The following MEX3B variants were observed in gnomAD, a reference collection of about 807,000 sequenced individuals.
The protein encoded by MEX3B is mex-3 RNA binding family member B, also known as RNA-binding protein MEX3B.
MEX3B carries 10 observed loss-of-function variants against 12.2 expected under a neutral mutation model. The observed-to-expected ratio is 0.82, with a 90% CI of 0.51 to 1.40. The LOEUF (loss-of-function observed/expected upper bound fraction) is 1.40, where lower values mean the gene tolerates loss of function less well. Among genes scored for constraint, MEX3B ranks in the 40% most tolerant of loss-of-function variants. The probability of loss-of-function intolerance (pLI) is 0.00; values close to 1 mark genes in which losing one functional copy is unlikely to be tolerated. For synonymous variants in MEX3B, 498 were observed against 356.3 expected, an observed-to-expected ratio of 1.40 and a Z score of -4.48; for missense variants, 839 against 801.4, an observed-to-expected ratio of 1.05 and a Z score of -0.57.
Position 82,044,309 on chromosome 15 carries a change from C to T in MEX3B, c.561G>A (p.Gln187=), listed in dbSNP as rs562165977. Residue 187 remains glutamine (Q), a synonymous_variant, in exon 2 of 2, where the codon CAG becomes CAA. Coordinates refer to ENST00000329713, the MANE Select transcript of MEX3B (RefSeq NM_032246.6). The surrounding 1 kb of genome is among the most constrained non-coding windows in gnomAD (Gnocchi z 5.3). The stretch of plus-strand genomic sequence containing the variant: ...TCACGATGTACGTGTGCGTCTGCTG[C>T]TGGATGCGCTTGATTGTGGCGCCTT... ...GPKGATIKRI[Q]QQTHTYIVTP... is the part of the protein sequence containing the mutation. 2 of 1,613,268 alleles carry T rather than the reference C, an allele frequency of 1.2e-6. No individual in the cohort carries two copies. Among genetic ancestry groups the T allele is most frequent in the Non-Finnish European group, 1.7e-6 (2 of 1,180,008 alleles).
At position 82,043,806 on chromosome 15, in the gene MEX3B, C is replaced by T. The variant is rs768913851; in HGVS notation, c.1064G>A (p.Gly355Asp). 71 of 1,586,222 alleles carry T rather than the reference C, an allele frequency of 4.5e-5. No individual in the cohort carries two copies. Among genetic ancestry groups the T allele is most frequent in the Admixed American group, 1.1e-4 (6 of 56,190 alleles). Residue 355 changes from glycine (G) to aspartate (D), a missense_variant, in exon 2 of 2, where the codon GGC becomes GAC. Around this residue, in one of 3 missense-constraint regions of MEX3B, gnomAD observed 573 missense variants for 488.9 expected, o/e 1.17. Coordinates refer to ENST00000329713, the MANE Select transcript of MEX3B (RefSeq NM_032246.6). Reference sequence around the variant, plus strand: ...AAAAGTGGGCTGCAGCTCGGGGCAGCCGTCGGGGGATGGCACTGAGGCTTC... The same window carrying T: ...AAAAGTGGGCTGCAGCTCGGGGCAGTCGTCGGGGGATGGCACTGAGGCTTC... The part of the protein sequence containing the change: ...GGEASVPSPD[G>D]CPELQPTFDP...
Position 82,044,138 on chromosome 15 carries a change from G to A in MEX3B, c.732C>T (p.Asn244=), listed in dbSNP as rs749139125. ...GCAGATCGAAGCCCACATCGGTGCCGTTGGCGTGGAAGTCGTTCTCGTCTG... is the reference window on the plus strand; with the variant it reads ...GCAGATCGAAGCCCACATCGGTGCCATTGGCGTGGAAGTCGTTCTCGTCTG... ...ELTDENDFHA[N]GTDVGFDLHH... is the part of the protein sequence containing the mutation. Residue 244 remains asparagine, a synonymous_variant, in exon 2 of 2, where the codon AAC becomes AAT. Coordinates refer to ENST00000329713, the MANE Select transcript of MEX3B (RefSeq NM_032246.6). This position sits in a 1 kb window ranked among gnomAD's most constrained non-coding sequence, Gnocchi z 5.3. The A allele has an allele frequency of 2.4e-5, 38 of 1,613,628 alleles. No homozygotes were observed. In the African/African-American group the frequency reaches 3.2e-4, roughly 14 times the overall value.
Position 82,042,889 on chromosome 15 carries a change from T to C in MEX3B, c.*271A>G, listed in dbSNP as rs2073228549. ...AGAATGTCGCCGTTCCTATTATTTATAGAGCATGCATTTCAGGTGTTCAGG... is the reference window on the plus strand; with the variant it reads ...AGAATGTCGCCGTTCCTATTATTTACAGAGCATGCATTTCAGGTGTTCAGG... On this transcript the variant is annotated 3_prime_UTR_variant, in exon 2 of 2. Transcript: ENST00000329713. 6.1e-6 allele frequency: 2 copies of C among 328,246 alleles called. No individual in the cohort carries two copies. The highest frequency in any genetic ancestry group is 1.1e-5 in the Non-Finnish European group (2 of 181,686). 20.3% of individuals were successfully genotyped at this position (328,246 alleles called of 1,614,324 possible).
At position 82,044,041 on chromosome 15, in the gene MEX3B, C is replaced by A; in HGVS notation, c.829G>T (p.Gly277Cys). The A allele has an allele frequency of 1.6e-6, 2 of 1,228,992 alleles. No individual in the cohort carries two copies. The highest frequency in any genetic ancestry group is 2.4e-5 in the South Asian group (2 of 83,074). 76.1% of individuals were successfully genotyped at this position (1,228,992 alleles called of 1,614,324 possible). Reference sequence around the variant, plus strand: ...CGGTAGCTAGAGAAAGGCTTGCGGCCGGGGGTGGGCGTGATGCTGGGGGTG... The same window carrying A: ...CGGTAGCTAGAGAAAGGCTTGCGGCAGGGGGTGGGCGTGATGCTGGGGGTG... ...KPTPSITPTP[G>C]RKPFSSYRND... The change falls in exon 2 of 2, where the codon GGC becomes TGC. Residue 277 changes from glycine (G) to cysteine (C), a missense_variant. Coordinates refer to ENST00000329713, the MANE Select transcript of MEX3B (RefSeq NM_032246.6). The surrounding 1 kb of genome is among the most constrained non-coding windows in gnomAD (Gnocchi z 5.3).
Position 82,044,286 on chromosome 15 carries a change from A to C in MEX3B, c.584T>G (p.Val195Gly). 6.2e-7 allele frequency: 1 copy of C among 1,613,758 alleles called. No individual in the cohort carries two copies. Among genetic ancestry groups the C allele is most frequent in the Non-Finnish European group, 8.5e-7 (1 of 1,180,014 alleles). Residue 195 changes from valine (V) to glycine (G), a missense_variant, in exon 2 of 2, where the codon GTG (valine) becomes GGG (glycine). Physicochemically the swap from Val to Gly is moderately radical, Grantham distance 109 (BLOSUM62 -3). This residue lies in a region of MEX3B where 52 missense variants were observed against 88.7 expected (regional missense o/e 0.59). Transcript: ENST00000329713. This position sits in a 1 kb window ranked among gnomAD's most constrained non-coding sequence, Gnocchi z 5.3. The stretch of plus-strand genomic sequence containing the variant: ...CGGCTCCTTATCCCGGCTGGGCGTC[A>C]CGATGTACGTGTGCGTCTGCTGCTG... ...RIQQQTHTYI[V>G]TPSRDKEPVF...
chr15:82,043,657 A>C lies in MEX3B; in HGVS notation c.1213T>G (p.Ser405Ala), dbSNP rs757158976. The C allele has an allele frequency of 1.9e-5, 30 of 1,611,014 alleles. No individual in the cohort carries two copies. Among genetic ancestry groups the C allele is most frequent in the East Asian group, 1.3e-4 (6 of 44,852 alleles). Residue 405 changes from serine (S) to alanine (A), a missense_variant, in exon 2 of 2, where the codon TCT becomes GCT. By Grantham distance (99) the Ser-to-Ala change is moderately conservative (BLOSUM62 1). Around this residue, in one of 3 missense-constraint regions of MEX3B, gnomAD observed 573 missense variants for 488.9 expected, o/e 1.17. Transcript: ENST00000329713. ...SCSSSASSSA[S>A]SSSVVFPGGG... ...CCGGGGAAGACCACGGAGGAGGAAG[A>C]AGCAGACGAAGATGCAGAAGAAGAG...
Position 82,043,704 on chromosome 15 carries a change from G to A in MEX3B, c.1166C>T (p.Ala389Val). ...AGAGCAGGAAGAAGATACCGGAGCT[G>A]CAGGTCCGCCTCCCGGGGACCGCTC... ...QFERSPGGGP[A>V]APVSSSCSSS... Residue 389 changes from alanine to valine, a missense_variant, in exon 2 of 2, where the codon GCA becomes GTA. This residue lies in a region of MEX3B where 573 missense variants were observed against 488.9 expected (regional missense o/e 1.17). Transcript: ENST00000329713. 2 of 1,597,524 alleles carry A rather than the reference G, an allele frequency of 1.3e-6. No homozygotes were observed. Among genetic ancestry groups the A allele is most frequent in the East Asian group, 2.2e-5 (1 of 44,828 alleles).
Position 82,044,702 on chromosome 15 carries a change from G to A in MEX3B, c.257-89C>T, listed in dbSNP as rs927230666. ...TAACCGCGGGGACCGGGGACAGCCC[G>A]CGTCCAGGACAGCGAGACGGCAGGA... On this transcript the variant is annotated intron_variant, in intron 1 of 1. Coordinates refer to ENST00000329713, the MANE Select transcript of MEX3B (RefSeq NM_032246.6). This position sits in a 1 kb window ranked among gnomAD's most constrained non-coding sequence, Gnocchi z 5.3. The A allele has an allele frequency of 9.1e-6, 12 of 1,320,616 alleles. No homozygotes were observed. Among genetic ancestry groups the A allele is most frequent in the Admixed American group, 1.8e-5 (1 of 56,506 alleles). 81.8% of individuals were successfully genotyped at this position (1,320,616 alleles called of 1,614,324 possible). A position where few individuals can be genotyped will look rare whatever the true frequency, so the allele number is the denominator to read the frequency against.
In MEX3B at chr15:82,044,171, AATG is replaced by A; in HGVS notation, c.696_698del (p.Ile233del). ...GGAAGTCGTTCTCGTCTGTGAGCTC[AATG>A]ATGCCGCCGGTACGCAGAGCAATGT... On this transcript the variant is annotated inframe_deletion, in exon 2 of 2. Coordinates refer to ENST00000329713, the MANE Select transcript of MEX3B (RefSeq NM_032246.6). This position sits in a 1 kb window ranked among gnomAD's most constrained non-coding sequence, Gnocchi z 5.3. The A allele has an allele frequency of 1.2e-6, 2 of 1,613,986 alleles. No individual in the cohort carries two copies. The highest frequency in any genetic ancestry group is 4.5e-5 in the East Asian group (2 of 44,868).
At position 82,044,697 on chromosome 15, in the gene MEX3B, A is replaced by G. The variant is rs1227220573; in HGVS notation, c.257-84T>C. On this transcript the variant is annotated intron_variant, in intron 1 of 1. Transcript: ENST00000329713. The surrounding 1 kb of genome is among the most constrained non-coding windows in gnomAD (Gnocchi z 5.3). ...TGGGGTAACCGCGGGGACCGGGGAC[A>G]GCCCGCGTCCAGGACAGCGAGACGG... is the stretch of plus-strand genomic sequence containing the variant. 2 of 1,376,366 alleles carry G rather than the reference A, an allele frequency of 1.5e-6. No individual in the cohort carries two copies. The highest frequency in any genetic ancestry group is 1.7e-5 in the Admixed American group (1 of 57,324). The allele number at this position is 1,376,366 out of a possible 1,614,324, so 85.3% of individuals were successfully genotyped here.
rs1343778218 is a variant in MEX3B, at chr15:82,044,317, G to A, written c.553C>T (p.Arg185Cys). ...TACGTGTGCGTCTGCTGCTGGATGC[G>A]CTTGATTGTGGCGCCTTTGGGCCCC... ...VVGPKGATIKRIQQQTHTYIV... is the reference protein window; with the variant it reads ...VVGPKGATIKCIQQQTHTYIV... Residue 185 changes from arginine (R) to cysteine (C), a missense_variant, in exon 2 of 2, where the codon CGC becomes TGC. Around this residue, in one of 3 missense-constraint regions of MEX3B, gnomAD observed 52 missense variants for 88.7 expected, o/e 0.59. Coordinates refer to ENST00000329713, the MANE Select transcript of MEX3B (RefSeq NM_032246.6). The surrounding 1 kb of genome is among the most constrained non-coding windows in gnomAD (Gnocchi z 5.3). The A allele has an allele frequency of 3.1e-6, 5 of 1,612,952 alleles. No homozygotes were observed. The highest frequency in any genetic ancestry group is 3.4e-6 in the Non-Finnish European group (4 of 1,180,012).
At position 82,043,649 on chromosome 15, in the gene MEX3B, G is replaced by A; in HGVS notation, c.1221C>T (p.Ser407=). Residue 407 remains serine (S), a synonymous_variant, in exon 2 of 2, where the codon TCC becomes TCT. Transcript: ENST00000329713. ...SSSASSSASS[S]SVVFPGGGAS... is the part of the protein sequence containing the mutation. ...CGCCACCCCCGGGGAAGACCACGGA[G>A]GAGGAAGAAGCAGACGAAGATGCAG... The A allele has an allele frequency of 1.2e-6, 2 of 1,610,552 alleles. No homozygotes were observed. Among genetic ancestry groups the A allele is most frequent in the Non-Finnish European group, 1.7e-6 (2 of 1,178,490 alleles).
chr15:82,044,287 C>A lies in MEX3B; in HGVS notation c.583G>T (p.Val195Leu), dbSNP rs2073242457. 1 of 1,613,630 alleles carries A rather than the reference C, an allele frequency of 6.2e-7. No individual in the cohort carries two copies. Among genetic ancestry groups the A allele is most frequent in the Non-Finnish European group, 8.5e-7 (1 of 1,180,026 alleles). ...GGCTCCTTATCCCGGCTGGGCGTCACGATGTACGTGTGCGTCTGCTGCTGG... is the reference window on the plus strand; with the variant it reads ...GGCTCCTTATCCCGGCTGGGCGTCAAGATGTACGTGTGCGTCTGCTGCTGG... ...RIQQQTHTYI[V>L]TPSRDKEPVF... Residue 195 changes from valine to leucine, a missense_variant, in exon 2 of 2, where the codon GTG becomes TTG. Around this residue, in one of 3 missense-constraint regions of MEX3B, gnomAD observed 52 missense variants for 88.7 expected, o/e 0.59. Coordinates refer to ENST00000329713, the MANE Select transcript of MEX3B (RefSeq NM_032246.6). This position sits in a 1 kb window ranked among gnomAD's most constrained non-coding sequence, Gnocchi z 5.3.
Position 82,044,752 on chromosome 15 carries a change from T to C in MEX3B, c.257-139A>G, listed in dbSNP as rs1385899148. 3 of 834,366 alleles carry C rather than the reference T, an allele frequency of 3.6e-6. No homozygotes were observed. Among genetic ancestry groups the C allele is most frequent in the Admixed American group, 2.2e-5 (1 of 45,386 alleles). 51.7% of individuals were successfully genotyped at this position (834,366 alleles called of 1,614,324 possible). ...ACAAGAGATGGGCGGAAAGGGGGCG[T>C]CTCCCTCACTGACCTCGGGCCGCGC... On this transcript the variant is annotated intron_variant, in intron 1 of 1. Transcript: ENST00000329713. The surrounding 1 kb of genome is among the most constrained non-coding windows in gnomAD (Gnocchi z 5.3).
chr15:82,042,562 T>C lies in MEX3B; in HGVS notation c.*598A>G, dbSNP rs2073226313. 6.6e-6 allele frequency: 1 copy of C among 152,652 alleles called. No individual in the cohort carries two copies. Among genetic ancestry groups the C allele is most frequent in the Non-Finnish European group, 1.5e-5 (1 of 68,048 alleles). 9.5% of individuals were successfully genotyped at this position (152,652 alleles called of 1,614,324 possible). A position where few individuals can be genotyped will look rare whatever the true frequency, so the allele number is the denominator to read the frequency against. ...CTTTAAAACTTTTAAACGTTTTTAA[T>C]ATATAAGAGATATGTTACAGTTTCT... On this transcript the variant is annotated 3_prime_UTR_variant, in exon 2 of 2. Coordinates refer to ENST00000329713, the MANE Select transcript of MEX3B (RefSeq NM_032246.6).
In MEX3B at chr15:82,043,592, T is replaced by C; in HGVS notation, c.1278A>G (p.Leu426=). Residue 426 remains leucine, a synonymous_variant, in exon 2 of 2, where the codon CTA becomes CTG. Coordinates refer to ENST00000329713, the MANE Select transcript of MEX3B (RefSeq NM_032246.6). ...ASAPSNANLG[L]LVHRRLHPGT... ...CAGGGTGCAGCCGGCGGTGCACCAA[T>C]AGCCCCAGGTTGGCGTTGGAGGGCG... 3 of 1,582,168 alleles carry C rather than the reference T, an allele frequency of 1.9e-6. No individual in the cohort carries two copies. Among genetic ancestry groups the C allele is most frequent in the East Asian group, 2.3e-5 (1 of 43,410 alleles).
In MEX3B at chr15:82,043,768, C is replaced by G; in HGVS notation, c.1102G>C (p.Ala368Pro). ...ATAAGTGGTGCCCCAGGTGGGGGAG[C>G]GGGAGCCGGGTCAAAAGTGGGCTGC... The part of the protein sequence containing the change: ...ELQPTFDPAP[A>P]PPPGAPLIWA... The change falls in exon 2 of 2, where the codon GCT becomes CCT. Residue 368 changes from alanine (A) to proline (P), a missense_variant. Physicochemically the swap from Ala to Pro is conservative, Grantham distance 27 (BLOSUM62 -1). Around this residue, in one of 3 missense-constraint regions of MEX3B, gnomAD observed 573 missense variants for 488.9 expected, o/e 1.17. Coordinates refer to ENST00000329713, the MANE Select transcript of MEX3B (RefSeq NM_032246.6). The G allele has an allele frequency of 1.9e-6, 3 of 1,567,572 alleles. No homozygotes were observed. Among genetic ancestry groups the G allele is most frequent in the Non-Finnish European group, 2.6e-6 (3 of 1,158,952 alleles).
Position 82,044,301 on chromosome 15 carries a change from G to A in MEX3B, c.569C>T (p.Thr190Met). 6.2e-7 allele frequency: 1 copy of A among 1,613,450 alleles called. No individual in the cohort carries two copies. Among genetic ancestry groups the A allele is most frequent in the Non-Finnish European group, 8.5e-7 (1 of 1,180,020 alleles). ...GCTGGGCGTCACGATGTACGTGTGC[G>A]TCTGCTGCTGGATGCGCTTGATTGT... is the stretch of plus-strand genomic sequence containing the variant. ...GATIKRIQQQ[T>M]HTYIVTPSRD... The change falls in exon 2 of 2, where the codon ACG (threonine) becomes ATG (methionine). Residue 190 changes from threonine (T) to methionine (M), a missense_variant. This residue lies in a region of MEX3B where 52 missense variants were observed against 88.7 expected (regional missense o/e 0.59). Coordinates refer to ENST00000329713, the MANE Select transcript of MEX3B (RefSeq NM_032246.6). The surrounding 1 kb of genome is among the most constrained non-coding windows in gnomAD (Gnocchi z 5.3).
chr15:82,043,854 C>A lies in MEX3B; in HGVS notation c.1016G>T (p.Gly339Val), dbSNP rs1212792977. Residue 339 changes from glycine (G) to valine (V), a missense_variant, in exon 2 of 2, where the codon GGG becomes GTG. Coordinates refer to ENST00000329713, the MANE Select transcript of MEX3B (RefSeq NM_032246.6). ...HNGNNNNNGN[G>V]YTYTAGGEAS... The stretch of plus-strand genomic sequence containing the variant: ...TTCTCCCCCCGCTGTGTAGGTGTAC[C>A]CATTGCCGTTATTGTTATTGTTTCC... 1 of 1,592,740 alleles carries A rather than the reference C, an allele frequency of 6.3e-7. No homozygotes were observed.
Sources: allele counts gnomAD v4.1 joint callset, GRCh38; gene constraint gnomAD v4.1.1; regional missense constraint gnomAD v4.1.1; non-coding constraint Gnocchi (gnomAD v3.1); transcripts MANE v1.5; gene names NCBI Gene and HGNC (gene_info 2026-07-23, HGNC 2026-07-21).